Variants in FRYL observed in about 807,000 individuals in gnomAD.
The protein encoded by FRYL is FRY like transcription coactivator.
FRYL carries 150 observed loss-of-function variants against 351.2 expected under a neutral mutation model. The ratio of observed to expected loss-of-function variants is 0.43; its 90% confidence interval spans 0.37 to 0.49. FRYL has a LOEUF of 0.49. FRYL is among the 20% of genes least tolerant of loss of function. The probability of loss-of-function intolerance (pLI) is 0.00; values close to 1 mark genes in which losing one functional copy is unlikely to be tolerated. For synonymous variants in FRYL, 1,153 were observed against 1,257.1 expected, an observed-to-expected ratio of 0.92 and a Z score of 1.75; for missense variants, 3,036 against 3,619.3, an observed-to-expected ratio of 0.84 and a Z score of 4.13.
At chr4:48,614,705 G>T (rs1410647203) in intron 7 of FRYL, among the ~76,000 whole-genome samples, 2 of 102,394 alleles carry the variant, frequency 2.0e-5, no homozygotes, top group Non-Finnish European at 3.6e-5. Flanking sequence ...CTGGGCAACA[G>T]AGTGAGACTC....
intron 3 of FRYL, among the ~76,000 whole-genome samples, chr4:48,655,417 A>G (rs1758630125): frequency 6.6e-6 from 1 of 152,056 alleles, no homozygotes; most frequent in Non-Finnish European, 1.5e-5. Context: ...TGCTGAATGA[A>G]AAAAGTGCAT....
rs1743068861 is a variant in FRYL, at chr4:48,590,807, G to A, written c.1359C>T (p.Val453=). 3.1e-6 allele frequency: 5 copies of A among 1,612,872 alleles called. No homozygotes were observed. In the African/African-American group the frequency reaches 4.0e-5, roughly 13 times the overall value. The change falls in exon 17 of 64, where the codon GTC becomes GTT. Residue 453 remains valine (V), a synonymous_variant. Transcript: ENST00000358350. ...NPERMNIGLR[V]FLVIADSLQQ... is the part of the protein sequence containing the mutation. Reference sequence around the variant, plus strand: ...GCAAACTGTCTGCTATTACAAGGAAGACTCTGAGACCTATGTTCATTCTCT... The same window carrying A: ...GCAAACTGTCTGCTATTACAAGGAAAACTCTGAGACCTATGTTCATTCTCT...
intron 55 of FRYL, among the ~76,000 whole-genome samples, chr4:48,520,114 A>G (rs1012579329): frequency 6.6e-6 from 1 of 152,202 alleles, no homozygotes; most frequent in Non-Finnish European, 1.5e-5. Context: ...TCCATGTCCT[A>G]TTCTTCTTTC....
chr4:48,671,876 A>AAAAAAAAAAAAAAAAAC (rs1762802389), intron 3 of FRYL, among the ~76,000 whole-genome samples: 1 of 146,352 alleles, frequency 6.8e-6, no homozygotes, highest in Non-Finnish European at 1.5e-5. Context: ...AAAAAAACAA[A>AAAAAAAAAAAAAAAAAC]AAAAAAAAAA....
chr4:48,684,594 AC>A (rs1764969109), intron 3 of FRYL, 78 bp downstream of exon 3: 1 of 152,214 alleles, frequency 6.6e-6, no homozygotes, highest in African/African-American at 2.4e-5. Context: ...GTAGAACCTC[AC>A]AGCTAAAATA....
At chr4:48,731,453 C>A (rs1394123206) in intron 1 of FRYL, among the ~76,000 whole-genome samples, 4 of 152,144 alleles carry the variant, frequency 2.6e-5, no homozygotes, top group Admixed American at 2.6e-4. Context: ...TCATATGGAA[C>A]CAAAAAGAGC....
chr4:48,681,020 T>G (rs1384638006), intron 3 of FRYL: 3 of 1,285,846 alleles, frequency 2.3e-6, no homozygotes, highest in Non-Finnish European at 3.0e-6. Context: ...GAAAGTGAGC[T>G]AAGACGTTTC....
chr4:48,592,114 A>ATATATATATATATATATATATATT (rs1272210127), intron 16 of FRYL, among the ~76,000 whole-genome samples: 37 of 136,910 alleles, frequency 2.7e-4, no homozygotes, highest in African/African-American at 1.0e-3. Context: ...ATATATATAT[A>ATATATATATATATATATATATATT]TTTTATCTAA....
At chr4:48,575,308 T>C (rs1739370758) in intron 24 of FRYL, 67 bp from the exon 25 acceptor site, 2 of 1,509,560 alleles carry the variant, frequency 1.3e-6, no homozygotes, top group East Asian at 2.3e-5. Context: ...TAATCTGAGA[T>C]TTCAGTAGTC....
chr4:48,650,122 T>C (rs954354404), intron 3 of FRYL, among the ~76,000 whole-genome samples: 2 of 152,162 alleles, frequency 1.3e-5, no homozygotes, highest in African/African-American at 4.8e-5. Context: ...CTAAATAAAA[T>C]GTTATGAAAA....
intron 33 of FRYL, among the ~76,000 whole-genome samples, chr4:48,560,409 A>G (rs913179146): frequency 6.6e-6 from 1 of 152,200 alleles, no homozygotes; most frequent in African/African-American, 2.4e-5. Flanking sequence ...GCTAAGGACA[A>G]GAGTGTCTGA....
chr4:48,548,602 A>C, intron 40 of FRYL, 88 bp downstream of exon 40: 1 of 734,002 alleles, frequency 1.4e-6, no homozygotes, highest in Non-Finnish European at 2.3e-6. Context: ...CAGGAAACAG[A>C]AACACATAAA....
intron 48 of FRYL, 126 bp downstream of exon 48, chr4:48,535,531 C>T (rs1396431124): frequency 6.6e-6 from 3 of 455,002 alleles, no homozygotes; most frequent in Non-Finnish European, 1.1e-5. Flanking sequence ...TATAAATCAA[C>T]TTGATAAGGT....
chr4:48,500,763 T>C (rs878855678), intron 62 of FRYL, among the ~76,000 whole-genome samples: 1 of 152,184 alleles, frequency 6.6e-6, no homozygotes, highest in Non-Finnish European at 1.5e-5. Context: ...TTTTTTAACA[T>C]GTTTTTTCTT....
At chr4:48,639,432 G>A (rs1036807265) in intron 3 of FRYL, among the ~76,000 whole-genome samples, 4 of 151,502 alleles carry the variant, frequency 2.6e-5, no homozygotes, top group African/African-American at 7.3e-5. Flanking sequence ...GCAATTCAAT[G>A]AAGAAAGGAG....
At chr4:48,670,693 G>C (rs1458310461) in intron 3 of FRYL, among the ~76,000 whole-genome samples, 1 of 152,020 alleles carries the variant, frequency 6.6e-6, no homozygotes, top group Non-Finnish European at 1.5e-5. Context: ...GTGAAAACAT[G>C]TGAAGTCTGT....
chr4:48,697,427 T>C (rs183348354), intron 2 of FRYL, among the ~76,000 whole-genome samples: 136 of 152,328 alleles, frequency 8.9e-4, no homozygotes, highest in African/African-American at 2.9e-3. Flanking sequence ...CCAGCTCTAG[T>C]TTACATTTCT....
intron 3 of FRYL, among the ~76,000 whole-genome samples, chr4:48,677,693 G>A: frequency 6.6e-6 from 1 of 152,254 alleles, no homozygotes; most frequent in Middle Eastern, 3.4e-3. Flanking sequence ...TTACAAGCGT[G>A]AGCCACCGCG....
intron 16 of FRYL, among the ~76,000 whole-genome samples, chr4:48,592,939 C>T (rs1743755942): frequency 6.6e-6 from 1 of 152,026 alleles, no homozygotes; most frequent in Admixed American, 6.6e-5. Context: ...AGAAAATAAA[C>T]AGATAACACC....
Sources: gnomAD v4.1 joint callset for allele counts (sites outside exome capture counted in the v4.1 genomes callset) on GRCh38, gnomAD v4.1.1 for gene constraint, MANE v1.5 for transcripts, NCBI Gene and HGNC (gene_info 2026-07-23, HGNC 2026-07-21) for gene names.